The following KIF13B variants were observed in gnomAD, a reference collection of about 807,000 sequenced individuals.
The protein encoded by KIF13B is kinesin-like protein KIF13B.
Under a neutral mutation model 222.0 loss-of-function variants are expected in KIF13B, and 127 were observed. That is an observed-to-expected ratio of 0.57 (90% CI 0.50 to 0.66). The LOEUF (loss-of-function observed/expected upper bound fraction) is 0.66. KIF13B is among the 30% of genes least tolerant of loss of function. The probability of loss-of-function intolerance (pLI) is 0.00; values close to 1 mark genes in which losing one functional copy is unlikely to be tolerated. For missense variants in KIF13B, 2,173 were observed against 2,379.0 expected (o/e 0.91, Z 1.80); for synonymous variants, 976 against 919.0 (o/e 1.06, Z -1.12).
intron 31 of KIF13B, among the ~76,000 whole-genome samples, chr8:29,114,790 G>A (rs1170108855): frequency 2.0e-5 from 3 of 152,130 alleles, no homozygotes; most frequent in Non-Finnish European, 1.5e-5. Context: ...AACATGCGGC[G>A]ACTATACAAT....
chr8:29,109,893 C>T, intron 33 of KIF13B, 25 bp downstream of exon 33: 15 of 1,610,380 alleles, frequency 9.3e-6, no homozygotes, highest in South Asian at 1.1e-5. Context: ...CTCTGCTGCC[C>T]GCCCTATCCA....
rs181631235 is a variant in KIF13B, at chr8:29,136,408, G to A, written c.2614-2198C>T. ...AGCCTGACCAACATGGAGAAACCCCGTCTCTACTAAAAACACAAAAAATTA... is the reference window on the plus strand; with the variant it reads ...AGCCTGACCAACATGGAGAAACCCCATCTCTACTAAAAACACAAAAAATTA... On this transcript the variant is annotated intron_variant, in intron 21 of 39. Coordinates refer to ENST00000524189, the MANE Select transcript of KIF13B (RefSeq NM_015254.4). Among the ~76,000 whole-genome samples, 37 of 151,982 alleles carry A rather than the reference G, an allele frequency of 2.4e-4. 1 individual carries two copies. The East Asian group carries it at 6.2e-3, about 25-fold the overall frequency.
chr8:29,203,099 T>C (rs1340541056), intron 2 of KIF13B, among the ~76,000 whole-genome samples: 1 of 152,216 alleles, frequency 6.6e-6, no homozygotes, highest in Non-Finnish European at 1.5e-5. Context: ...TTACATGTCA[T>C]CTCGGCTAGA....
At chr8:29,224,216 G>T (rs1398634730) in intron 2 of KIF13B, among the ~76,000 whole-genome samples, 1 of 150,644 alleles carries the variant, frequency 6.6e-6, no homozygotes, top group African/African-American at 2.4e-5. Context: ...TGTTAGCCAG[G>T]ATGGTCTCGA....
At chr8:29,247,389 C>T (rs1816074249) in intron 1 of KIF13B, among the ~76,000 whole-genome samples, 1 of 151,954 alleles carries the variant, frequency 6.6e-6, no homozygotes, top group African/African-American at 2.4e-5. Flanking sequence ...TCTCTAAAAA[C>T]AAAAATTTTT....
chr8:29,150,264 C>T (rs1234969141), intron 15 of KIF13B, 33 bp downstream of exon 15: 1 of 1,190,470 alleles, frequency 8.4e-7, no homozygotes, highest in Non-Finnish European at 1.2e-6. Flanking sequence ...CAATCTTCAA[C>T]AATCTCTTTA....
rs1448086506 is a variant in KIF13B, at chr8:29,071,868, C to T, written c.4970G>A (p.Arg1657His). Residue 1657 changes from arginine to histidine, a missense_variant, in exon 39 of 40, where the codon CGC becomes CAC. Transcript: ENST00000524189. The surrounding 1 kb of genome is among the most constrained non-coding windows in gnomAD (Gnocchi z 4.9). ...RVRRVRASEL[R>H]SFSRMLAGDP... ...CCCAGCCAGCATGCGCGAGAAGGAG[C>T]GCAACTCCGAGGCCCGCACCCTCCG... 8.5e-6 allele frequency: 13 copies of T among 1,535,528 alleles called. No homozygotes were observed. The highest frequency in any genetic ancestry group is 1.2e-5 in the South Asian group (1 of 83,956).
At chr8:29,088,623 C>A (rs1378655483) in intron 37 of KIF13B, among the ~76,000 whole-genome samples, 1 of 152,120 alleles carries the variant, frequency 6.6e-6, no homozygotes, top group African/African-American at 2.4e-5. Context: ...CATGGAACTC[C>A]ATTATAACAA....
intron 12 of KIF13B, among the ~76,000 whole-genome samples, chr8:29,162,657 A>G (rs985844851): frequency 2.6e-5 from 4 of 152,216 alleles, no homozygotes; most frequent in Admixed American, 2.6e-4. Flanking sequence ...ACGCTACAAA[A>G]TTTTTGTCAA....
chr8:29,101,430 C>T (rs1447784375), intron 35 of KIF13B, among the ~76,000 whole-genome samples: 4 of 152,106 alleles, frequency 2.6e-5, no homozygotes, highest in Admixed American at 1.3e-4. Context: ...GATCTGGAGT[C>T]GGCACCTGGG....
At chr8:29,225,851 ACAGTTGT>A (rs1463334500) in intron 2 of KIF13B, among the ~76,000 whole-genome samples, 2 of 152,240 alleles carry the variant, frequency 1.3e-5, no homozygotes, top group East Asian at 3.8e-4. Flanking sequence ...GACTAAGCTC[ACAGTTGT>A]CAGATGCTTG....
intron 30 of KIF13B, among the ~76,000 whole-genome samples, chr8:29,117,428 A>C (rs148564558): frequency 2.7e-3 from 416 of 152,330 alleles, no homozygotes; most frequent in African/African-American, 9.6e-3. Flanking sequence ...AGGAAATTTA[A>C]CAGGAATACA....
intron 10 of KIF13B, among the ~76,000 whole-genome samples, chr8:29,171,319 C>G (rs1586876425): frequency 6.6e-6 from 1 of 152,288 alleles, no homozygotes; most frequent in East Asian, 1.9e-4. Context: ...GAGAAGAGCA[C>G]TCACATCTAT....
At chr8:29,235,896 A>C (rs1035101126) in intron 2 of KIF13B, among the ~76,000 whole-genome samples, 2 of 152,208 alleles carry the variant, frequency 1.3e-5, no homozygotes, top group African/African-American at 4.8e-5. Context: ...AGAAGAATGA[A>C]AAGGAATGCT....
At chr8:29,196,270 G>T in intron 2 of KIF13B, 71 bp from the exon 3 acceptor site, 2 of 1,346,234 alleles carry the variant, frequency 1.5e-6, no homozygotes, top group East Asian at 5.1e-5. Flanking sequence ...ATTTAGTTTA[G>T]AAGACTTTTT....
chr8:29,201,656 G>A (rs1563783686), intron 2 of KIF13B, among the ~76,000 whole-genome samples: 1 of 152,168 alleles, frequency 6.6e-6, no homozygotes, highest in African/African-American at 2.4e-5. Flanking sequence ...CTGAGTTGCT[G>A]AAATCTTCAC....
At chr8:29,251,159 A>G (rs1018508356) in intron 1 of KIF13B, among the ~76,000 whole-genome samples, 1 of 152,196 alleles carries the variant, frequency 6.6e-6, no homozygotes, top group Non-Finnish European at 1.5e-5. Flanking sequence ...TGGAAGAAAA[A>G]AAAAGGCAAA....
chr8:29,134,065 C>G lies in KIF13B; in HGVS notation c.2759G>C (p.Cys920Ser). The G allele has an allele frequency of 1.2e-6, 2 of 1,613,892 alleles. No homozygotes were observed. The highest frequency in any genetic ancestry group is 1.7e-6 in the Non-Finnish European group (2 of 1,179,842). The change falls in exon 22 of 40, where the codon TGC (cysteine) becomes TCC (serine). Residue 920 changes from cysteine (C) to serine (S), a missense_variant. Coordinates refer to ENST00000524189, the MANE Select transcript of KIF13B (RefSeq NM_015254.4). ...ATTGCAATGATCAAAGACAACCATG[C>G]AGTGCGGCTCCTTGCTGACGGAAGA... ...SSSSVSKEPH[C>S]MVVFDHCNEF...
chr8:29,109,513 T>C lies in KIF13B; in HGVS notation c.4084-2A>G. 1 of 1,612,538 alleles carries C rather than the reference T, an allele frequency of 6.2e-7. No homozygotes were observed. The highest frequency in any genetic ancestry group is 8.5e-7 in the Non-Finnish European group (1 of 1,178,570). ...TAACTGTTCCTTCACTGCAACTTCC[T>C]GTGAATCAGAAAACATACAGAGGAA... On this transcript the variant is annotated splice_acceptor_variant, in intron 33 of 39. Transcript: ENST00000524189. LOFTEE classifies it high-confidence loss of function.
Sources: allele counts gnomAD v4.1 joint callset (sites outside exome capture counted in the v4.1 genomes callset), GRCh38; gene constraint gnomAD v4.1.1; non-coding constraint Gnocchi (gnomAD v3.1); transcripts MANE v1.5; gene names NCBI Gene and HGNC (gene_info 2026-07-23, HGNC 2026-07-21).